SSH1: variants seen among roughly 807,000 people sequenced by gnomAD.
SSH1 encodes protein phosphatase Slingshot homolog 1.
In SSH1, 43 loss-of-function variants were observed where a neutral mutation model predicts 79.7. The ratio of observed to expected loss-of-function variants is 0.54; its 90% CI spans 0.42 to 0.70. The LOEUF (loss-of-function observed/expected upper bound fraction) is 0.70, where lower values mean the gene tolerates loss of function less well. SSH1 is among the 30% of genes least tolerant of loss of function. The pLI is 0.00. For missense variants in SSH1, 1,206 were observed against 1,358.8 expected, an observed-to-expected ratio of 0.89 and a Z score of 1.77; for synonymous variants, 599 against 538.3, an observed-to-expected ratio of 1.11 and a Z score of -1.56.
intron 2 of SSH1, among the ~76,000 whole-genome samples, chr12:108,833,406 G>C (rs915616573): frequency 6.6e-6 from 1 of 152,204 alleles, no homozygotes; most frequent in Admixed American, 6.5e-5. Context: ...GAAATAACAG[G>C]CACATGAAGG....
rs115103730 is a variant in SSH1, at chr12:108,836,288, T to A, written c.111-12927A>T. Among the ~76,000 whole-genome samples the A allele has an allele frequency of 8.9e-3, 1,348 of 152,194 alleles. 11 individuals carry two copies. The highest frequency in any genetic ancestry group is 0.013 in the Non-Finnish European group (863 of 67,998). On this transcript the variant is annotated intron_variant, in intron 2 of 14. Coordinates refer to ENST00000326495, the MANE Select transcript of SSH1 (RefSeq NM_018984.4). ...GTGTGTGTATGCACGTACATACAAA[T>A]GTTCCCTAATTCTGCCCATTGAGAG...
intron 3 of SSH1, among the ~76,000 whole-genome samples, chr12:108,819,574 A>AT (rs1593085469): frequency 6.6e-6 from 1 of 152,154 alleles, no homozygotes; most frequent in East Asian, 1.9e-4. Flanking sequence ...CACACCTGTA[A>AT]TCCCAGTGCT....
Position 108,786,841 on chromosome 12 carries a change from G to A in SSH1, c.*1147C>T, listed in dbSNP as rs553693141. 6.6e-6 allele frequency: 1 copy of A among 152,366 alleles called. No homozygotes were observed. Among genetic ancestry groups the A allele is most frequent in the South Asian group, 2.1e-4 (1 of 4,822 alleles). The allele number at this position is 152,366 out of a possible 1,614,324, so 9.4% of individuals were successfully genotyped here. On this transcript the variant is annotated 3_prime_UTR_variant, in exon 15 of 15. Transcript: ENST00000326495. ...GATTCAAGCCTGGCGCAGCGGGACTGGCTGAGCTCACCTGAGTCTTAAAGG... is the reference window on the plus strand; with the variant it reads ...GATTCAAGCCTGGCGCAGCGGGACTAGCTGAGCTCACCTGAGTCTTAAAGG...
chr12:108,836,028 CGAT>C (rs1566013075), intron 2 of SSH1, among the ~76,000 whole-genome samples: 4 of 143,234 alleles, frequency 2.8e-5, no homozygotes, highest in African/African-American at 1.0e-4. Context: ...TTAATATAAT[CGAT>C]TATATTAATA....
intron 3 of SSH1, among the ~76,000 whole-genome samples, chr12:108,821,831 C>T (rs1184685203): frequency 6.6e-6 from 1 of 152,106 alleles, no homozygotes; most frequent in African/African-American, 2.4e-5. Flanking sequence ...AGAATTCTAA[C>T]CTGAGCACTC....
At chr12:108,847,370 A>T (rs1014591197) in intron 2 of SSH1, among the ~76,000 whole-genome samples, 7 of 152,136 alleles carry the variant, frequency 4.6e-5, no homozygotes, top group African/African-American at 1.7e-4. Flanking sequence ...CTGACTCAGA[A>T]CCCCACTGCC....
Position 108,807,548 on chromosome 12 carries a change from G to A in SSH1, c.731+85C>T, listed in dbSNP as rs2037344842. The stretch of plus-strand genomic sequence containing the variant: ...TCCAGGGGAGGTGTGGCCCAATGCA[G>A]GTTCAGGGTCGGGCACAGGGCAGGT... On this transcript the variant is annotated intron_variant, in intron 8 of 14. Transcript: ENST00000326495. The surrounding 1 kb of genome is among the most constrained non-coding windows in gnomAD (Gnocchi z 5.2). 1 of 1,365,296 alleles carries A rather than the reference G, an allele frequency of 7.3e-7. No homozygotes were observed. Among genetic ancestry groups the A allele is most frequent in the Admixed American group, 1.7e-5 (1 of 58,252 alleles). 84.6% of individuals were successfully genotyped at this position (1,365,296 alleles called of 1,614,324 possible). A position where few individuals can be genotyped will look rare whatever the true frequency, so the allele number is the denominator to read the frequency against.
At chr12:108,792,855 G>T in intron 13 of SSH1, 26 bp from the exon 14 acceptor site, 1 of 1,612,422 alleles carries the variant, frequency 6.2e-7, no homozygotes, top group South Asian at 1.1e-5. Context: ...GTAGAGGAAG[G>T]TGAGGGGAGG....
Position 108,789,226 on chromosome 12 carries a change from T to C in SSH1, c.1912A>G (p.Ile638Val), listed in dbSNP as rs760117186. 2 of 1,599,816 alleles carry C rather than the reference T, an allele frequency of 1.3e-6. No individual in the cohort carries two copies. The highest frequency in any genetic ancestry group is 2.2e-5 in the South Asian group (2 of 89,056). ...NGMEDDAIFG[I>V]LNKVKPSYKS... ...TAGGAAGGCTTCACTTTGTTAAGGATCCCAAATATAGCATCATCCTGCAAG... is the reference window on the plus strand; with the variant it reads ...TAGGAAGGCTTCACTTTGTTAAGGACCCCAAATATAGCATCATCCTGCAAG... Residue 638 changes from isoleucine to valine, a missense_variant, in exon 15 of 15, where the codon ATC becomes GTC. Ile to Val is a conservative substitution (Grantham distance 29). Around this residue, in one of 5 missense-constraint regions of SSH1, gnomAD observed 709 missense variants for 730.6 expected, o/e 0.97. Coordinates refer to ENST00000326495, the MANE Select transcript of SSH1 (RefSeq NM_018984.4).
In SSH1 at chr12:108,779,410, G is replaced by A. The variant is rs1024874485; in HGVS notation, c.*8578C>T. 3.3e-5 allele frequency: 5 copies of A among 152,302 alleles called. No individual in the cohort carries two copies. In the East Asian group the frequency reaches 7.7e-4, roughly 24 times the overall value. 9.4% of individuals were successfully genotyped at this position (152,302 alleles called of 1,614,324 possible). ...TCTGCTTCCTTGCTGAAACCACAAG[G>A]GAGATCAAGATGCATCTTTGTCTGG... On this transcript the variant is annotated 3_prime_UTR_variant, in exon 15 of 15. Coordinates refer to ENST00000326495, the MANE Select transcript of SSH1 (RefSeq NM_018984.4).
At position 108,852,809 on chromosome 12, in the gene SSH1, A is replaced by T. The variant is rs2039071068; in HGVS notation, c.70-131T>A. ...CCAGGAAACCTAGCTACTTCTAAAC[A>T]GCCGTGCCCTTTCCTCACCAATCCC... On this transcript the variant is annotated intron_variant, in intron 1 of 14. Coordinates refer to ENST00000326495, the MANE Select transcript of SSH1 (RefSeq NM_018984.4). 4 of 1,570,986 alleles carry T rather than the reference A, an allele frequency of 2.5e-6. 1 individual carries two copies. In the South Asian group the frequency reaches 4.5e-5, roughly 18 times the overall value.
intron 13 of SSH1, among the ~76,000 whole-genome samples, chr12:108,793,951 G>A (rs372369445): frequency 2.6e-5 from 4 of 152,316 alleles, no homozygotes; most frequent in African/African-American, 9.6e-5. Context: ...GGCTTAGGCT[G>A]CAGAGGGCAC....
At chr12:108,840,285 A>G (rs1295493790) in intron 2 of SSH1, among the ~76,000 whole-genome samples, 1 of 152,002 alleles carries the variant, frequency 6.6e-6, no homozygotes, top group African/African-American at 2.4e-5. Flanking sequence ...TAATCCCAGC[A>G]CTTTGGGAGG....
intron 13 of SSH1, among the ~76,000 whole-genome samples, chr12:108,794,766 G>A (rs555814471): frequency 6.6e-6 from 1 of 151,248 alleles, no homozygotes; most frequent in South Asian, 2.1e-4. Context: ...TGCCCACAAG[G>A]AAATTCCTTG....
rs1424192836 is a variant in SSH1 at position 108,789,077 on chromosome 12, C to T, written c.2061G>A (p.Thr687=). 10 of 1,612,808 alleles carry T rather than the reference C, an allele frequency of 6.2e-6. No individual in the cohort carries two copies. In the East Asian group the frequency reaches 6.7e-5, roughly 11 times the overall value. The change falls in exon 15 of 15, where the codon ACG becomes ACA. Residue 687 remains threonine (T), a synonymous_variant. Transcript: ENST00000326495. ...TGGCCAAGTGGGCCACAGGGGAGGA[C>T]GTGATGTGGGGTAGGAAGGCTGGCT... is the stretch of plus-strand genomic sequence containing the variant. The part of the protein sequence containing the change: ...CTQPAFLPHI[T]SSPVAHLASR...
At chr12:108,791,348 T>G (rs1375607354) in intron 14 of SSH1, among the ~76,000 whole-genome samples, 1 of 152,208 alleles carries the variant, frequency 6.6e-6, no homozygotes, top group Non-Finnish European at 1.5e-5. Flanking sequence ...GACCTCCTGA[T>G]CTGCCTGCCT....
At position 108,807,814 on chromosome 12, in the gene SSH1, C is replaced by A; in HGVS notation, c.550G>T (p.Val184Leu). The A allele has an allele frequency of 6.2e-7, 1 of 1,613,858 alleles. No homozygotes were observed. Among genetic ancestry groups the A allele is most frequent in the Non-Finnish European group, 8.5e-7 (1 of 1,180,000 alleles). Residue 184 changes from valine (V) to leucine (L), a missense_variant, in exon 8 of 15, where the codon GTG becomes TTG. This residue lies in a region of SSH1 where 115 missense variants were observed against 173.9 expected (regional missense o/e 0.66). Coordinates refer to ENST00000326495, the MANE Select transcript of SSH1 (RefSeq NM_018984.4). This position sits in a 1 kb window ranked among gnomAD's most constrained non-coding sequence, Gnocchi z 5.2. ...SVQAMWSALQVLHKACEVARR... is the reference protein window; with the variant it reads ...SVQAMWSALQLLHKACEVARR... Reference sequence around the variant, plus strand: ...GCCACTTCGCAGGCCTTGTGAAGCACCTGCAGGGCAGACCTGGGGCGAGGA... The same window carrying A: ...GCCACTTCGCAGGCCTTGTGAAGCAACTGCAGGGCAGACCTGGGGCGAGGA...
intron 7 of SSH1, among the ~76,000 whole-genome samples, chr12:108,808,883 G>C (rs2037427534): frequency 6.9e-6 from 1 of 144,732 alleles, no homozygotes; most frequent in African/African-American, 2.6e-5. Context: ...GCCCGGGCTG[G>C]AGTGCAGGGG....
At chr12:108,791,930 G>A in intron 14 of SSH1, 1 of 1,308,850 alleles carries the variant, frequency 7.6e-7, no homozygotes. Flanking sequence ...GAAGTTGGCT[G>A]ATAAATTATA....
Sources: allele counts gnomAD v4.1 joint callset (sites outside exome capture counted in the v4.1 genomes callset), GRCh38; gene constraint gnomAD v4.1.1; regional missense constraint gnomAD v4.1.1; non-coding constraint Gnocchi (gnomAD v3.1); transcripts MANE v1.5; gene names NCBI Gene and HGNC (gene_info 2026-07-23, HGNC 2026-07-21).